Variants in PVT1 observed in about 807,000 individuals in gnomAD.
The protein encoded by PVT1 is Pvt1 oncogene, also known as CXCR4/PVT1 fusion.
chr8:127,931,780 A>T (rs1005243763), intron 3 of PVT1, among the ~76,000 whole-genome samples: 2 of 152,260 alleles, frequency 1.3e-5, no homozygotes, highest in African/African-American at 4.8e-5. Context: ...ACCTCTGTCC[A>T]CCACCCTAAT....
chr8:128,055,657 G>A (rs564011128), intron 4 of PVT1, among the ~76,000 whole-genome samples: 1 of 152,202 alleles, frequency 6.6e-6, no homozygotes, highest in Non-Finnish European at 1.5e-5. Flanking sequence ...TCTGCTGGTG[G>A]TTCTTCTGTT....
intron 4 of PVT1, among the ~76,000 whole-genome samples, chr8:127,994,328 G>A (rs1295114805): frequency 2.0e-5 from 3 of 152,138 alleles, no homozygotes; most frequent in Admixed American, 1.3e-4. Flanking sequence ...AGAGCCTTGG[G>A]TCTCACTGAA....
At chr8:127,874,543 C>T (rs1324235789) in intron 2 of PVT1, among the ~76,000 whole-genome samples, 1 of 152,214 alleles carries the variant, frequency 6.6e-6, no homozygotes, top group East Asian at 1.9e-4. Flanking sequence ...GTTTTGTCAC[C>T]TGTAACACAA....
intron 4 of PVT1, among the ~76,000 whole-genome samples, chr8:128,016,025 G>A (rs1426979575): frequency 6.6e-6 from 1 of 152,024 alleles, no homozygotes; most frequent in Non-Finnish European, 1.5e-5. Flanking sequence ...TTTAGAAGGG[G>A]GATGGTCTTT....
intron 3 of PVT1, among the ~76,000 whole-genome samples, chr8:127,909,417 T>C (rs1815864034): frequency 2.0e-5 from 3 of 152,212 alleles, no homozygotes; most frequent in Admixed American, 6.5e-5. Flanking sequence ...GTCTGAATCA[T>C]GGCTTTGTGC....
chr8:127,923,994 TAA>T (rs1225397131), intron 3 of PVT1, among the ~76,000 whole-genome samples: 2 of 152,198 alleles, frequency 1.3e-5, no homozygotes, highest in African/African-American at 4.8e-5. Flanking sequence ...GGAGACAAAA[TAA>T]GAGTTCCTGG....
intron 4 of PVT1, among the ~76,000 whole-genome samples, chr8:127,992,117 G>A (rs187502539): frequency 4.1e-4 from 63 of 152,062 alleles, no homozygotes; most frequent in Admixed American, 9.2e-4. Flanking sequence ...CAGGCACAGT[G>A]GCTCACGCCT....
intron 5 of PVT1, among the ~76,000 whole-genome samples, chr8:128,074,205 C>T (rs904634453): frequency 2.0e-5 from 3 of 152,056 alleles, no homozygotes; most frequent in Non-Finnish European, 2.9e-5. Context: ...ACATTTTGCC[C>T]ATATAGAAAA....
At chr8:127,803,723 GTTT>G (rs11395238) in intron 2 of PVT1, among the ~76,000 whole-genome samples, 1 of 141,900 alleles carries the variant, frequency 7.0e-6, no homozygotes, top group Admixed American at 7.0e-5. Context: ...TGTCTCTACA[GTTT>G]TTTTTTTTTT....
intron 3 of PVT1, among the ~76,000 whole-genome samples, chr8:127,893,379 T>C (rs1044232553): frequency 1.3e-5 from 2 of 152,146 alleles, no homozygotes; most frequent in African/African-American, 2.4e-5. Context: ...TTGGTTCAAG[T>C]GATTCTTGTG....
chr8:128,052,834 C>T (rs1261284452), intron 4 of PVT1, among the ~76,000 whole-genome samples: 1 of 152,212 alleles, frequency 6.6e-6, no homozygotes, highest in Non-Finnish European at 1.5e-5. Flanking sequence ...GATATACTGT[C>T]ACTTCATTTT....
At chr8:128,079,459 TTAAGAGTTACTGGA>T (rs1388375789) in intron 5 of PVT1, among the ~76,000 whole-genome samples, 4 of 152,368 alleles carry the variant, frequency 2.6e-5, no homozygotes, top group African/African-American at 9.6e-5. Context: ...TATTGATACA[TTAAGAGTTACTGGA>T]GTCCATAGTT....
chr8:127,998,535 TTCTCTCTC>T lies in PVT1; in HGVS notation n.912+9260_912+9267del, dbSNP rs34462486. On this transcript the variant is annotated intron_variant and non_coding_transcript_variant, in intron 4 of 10. Coordinates refer to ENST00000651587, the Ensembl canonical transcript of PVT1. ...TTCTTCCTTTTCTTTCCTTCTTTCT[TTCTCTCTC>T]TCTCTCTCTCTCTCTTCCTTCCTTC... 1.5e-3 allele frequency among the ~76,000 whole-genome samples: 213 copies of T among 143,562 alleles called. 4 individuals carry two copies. The East Asian group carries it at 0.035, about 24-fold the overall frequency. 94.2% of individuals were successfully genotyped at this position (143,562 alleles called of 152,430 possible).
At chr8:127,915,676 A>T (rs1815975644) in intron 3 of PVT1, among the ~76,000 whole-genome samples, 1 of 151,118 alleles carries the variant, frequency 6.6e-6, no homozygotes, top group Non-Finnish European at 1.5e-5. Context: ...AAACTGGTGG[A>T]TTCTATAGAG....
chr8:127,855,974 G>A (rs899198344), intron 2 of PVT1, among the ~76,000 whole-genome samples: 28 of 152,162 alleles, frequency 1.8e-4, no homozygotes, highest in African/African-American at 6.5e-4. Context: ...GCCACCTGAC[G>A]TTGCCATTTA....
At chr8:127,995,478 A>G (rs1407612533) in intron 4 of PVT1, among the ~76,000 whole-genome samples, 2 of 152,178 alleles carry the variant, frequency 1.3e-5, no homozygotes, top group East Asian at 1.9e-4. Context: ...ATAGGAATCT[A>G]TCCATTTCTT....
At chr8:128,091,303 G>A (rs187619149) in intron 5 of PVT1, among the ~76,000 whole-genome samples, 1 of 152,266 alleles carries the variant, frequency 6.6e-6, no homozygotes, top group African/African-American at 2.4e-5. Context: ...CTGCACTCCA[G>A]GCCAAGTCCG....
chr8:127,835,048 A>G (rs925550517), intron 2 of PVT1, among the ~76,000 whole-genome samples: 4 of 152,196 alleles, frequency 2.6e-5, no homozygotes, highest in African/African-American at 9.6e-5. Context: ...TGATTCCTCA[A>G]GGATCTAGAA....
intron 3 of PVT1, among the ~76,000 whole-genome samples, chr8:127,915,446 C>T (rs1815971615): frequency 6.6e-6 from 1 of 151,420 alleles, no homozygotes; most frequent in African/African-American, 2.4e-5. Flanking sequence ...AATCCTTTCC[C>T]TACTAAAAAT....
Sources: allele counts gnomAD v4.1 joint callset (sites outside exome capture counted in the v4.1 genomes callset), GRCh38; gene constraint gnomAD v4.1.1; transcripts MANE v1.5; gene names NCBI Gene and HGNC (gene_info 2026-07-23, HGNC 2026-07-21).